Variants in MGAT4C observed in about 807,000 individuals in gnomAD.
The protein encoded by MGAT4C is alpha-1,3-mannosyl-glycoprotein 4-beta-N-acetylglucosaminyltransferase C.
In MGAT4C, 19 loss-of-function variants were observed where a neutral mutation model predicts 40.1. The ratio of observed to expected loss-of-function variants is 0.47; its 90% confidence interval spans 0.33 to 0.70. MGAT4C has a LOEUF of 0.70. MGAT4C is among the 30% of genes least tolerant of loss of function. MGAT4C has a pLI of 0.02. For synonymous variants in MGAT4C, 181 were observed against 187.1 expected (o/e 0.97, Z 0.27); for missense variants, 491 against 563.2 (o/e 0.87, Z 1.30).
intron 3 of MGAT4C, among the ~76,000 whole-genome samples, chr12:86,368,320 T>C (rs1326158125): frequency 1.3e-5 from 2 of 152,312 alleles, no homozygotes; most frequent in East Asian, 1.9e-4. Context: ...TAAATGTTTG[T>C]TGATTTTATC....
At chr12:86,312,932 G>C (rs1954116298) in intron 4 of MGAT4C, among the ~76,000 whole-genome samples, 1 of 152,048 alleles carries the variant, frequency 6.6e-6, no homozygotes, top group Admixed American at 6.6e-5. Context: ...AATATTCAAG[G>C]TCTTTAATAT....
intron 2 of MGAT4C, among the ~76,000 whole-genome samples, chr12:86,540,315 C>A (rs1436720982): frequency 6.6e-6 from 1 of 152,168 alleles, no homozygotes. Flanking sequence ...ACTGAGGATT[C>A]CCAAAAACAA....
chr12:86,163,159 T>C (rs189155909), intron 1 of MGAT4C, among the ~76,000 whole-genome samples: 1 of 152,216 alleles, frequency 6.6e-6, no homozygotes, highest in Non-Finnish European at 1.5e-5. Flanking sequence ...CACACTTTTC[T>C]CATGATATTG....
At chr12:86,594,282 T>A (rs1361637228) in intron 2 of MGAT4C, among the ~76,000 whole-genome samples, 2 of 152,188 alleles carry the variant, frequency 1.3e-5, no homozygotes, top group Admixed American at 1.3e-4. Context: ...AGTGTCTGTA[T>A]CAGTCTGGAG....
intron 2 of MGAT4C, among the ~76,000 whole-genome samples, chr12:86,711,244 G>C (rs988749028): frequency 1.3e-5 from 2 of 152,062 alleles, no homozygotes; most frequent in Non-Finnish European, 2.9e-5. Flanking sequence ...TGTAGGAAGA[G>C]AAACAGTATG....
chr12:86,049,862 A>C (rs1892733613), intron 1 of MGAT4C, 139 bp from the exon 2 acceptor site: 1 of 176,416 alleles, frequency 5.7e-6, no homozygotes, highest in Non-Finnish European at 1.1e-5. Context: ...AATCTTTCTA[A>C]ATTGACAGAA....
chr12:86,663,559 A>C (rs555525516), intron 2 of MGAT4C, among the ~76,000 whole-genome samples: 6 of 152,150 alleles, frequency 3.9e-5, no homozygotes, highest in African/African-American at 1.4e-4. Flanking sequence ...TTTTACTTGA[A>C]AAAGGTGTCC....
At chr12:86,479,298 C>T (rs1276365255) in intron 2 of MGAT4C, among the ~76,000 whole-genome samples, 6 of 151,848 alleles carry the variant, frequency 4.0e-5, no homozygotes, top group Non-Finnish European at 7.4e-5. Flanking sequence ...AGAAATTAAT[C>T]AATACTATAA....
chr12:86,562,939 T>G (rs1959937660), intron 2 of MGAT4C, among the ~76,000 whole-genome samples: 1 of 152,106 alleles, frequency 6.6e-6, no homozygotes, highest in African/African-American at 2.4e-5. Flanking sequence ...GGCTGAAACA[T>G]GGATAAAAAG....
chr12:86,460,545 C>A (rs1365823873), intron 2 of MGAT4C, among the ~76,000 whole-genome samples: 1 of 152,016 alleles, frequency 6.6e-6, no homozygotes, highest in Non-Finnish European at 1.5e-5. Context: ...ATTTGTATGG[C>A]CTTTTTCTGA....
At chr12:86,760,992 A>G (rs1451703244) in intron 1 of MGAT4C, among the ~76,000 whole-genome samples, 1 of 152,186 alleles carries the variant, frequency 6.6e-6, no homozygotes, top group African/African-American at 2.4e-5. Flanking sequence ...GGTGATGGGT[A>G]TGTTCACTAT....
intron 2 of MGAT4C, among the ~76,000 whole-genome samples, chr12:86,574,360 A>C (rs1593001585): frequency 1.3e-5 from 2 of 151,764 alleles, no homozygotes; most frequent in Admixed American, 1.3e-4. Context: ...CAGTGTCAGC[A>C]CCTGACATAG....
chr12:86,729,429 C>T (rs2136118390), intron 1 of MGAT4C, among the ~76,000 whole-genome samples: 1 of 152,032 alleles, frequency 6.6e-6, no homozygotes. Context: ...ACACTTCCTT[C>T]ACTGAAGGCA....
intron 4 of MGAT4C, among the ~76,000 whole-genome samples, chr12:86,274,704 A>T (rs1953026471): frequency 6.6e-6 from 1 of 152,222 alleles, no homozygotes; most frequent in African/African-American, 2.4e-5. Flanking sequence ...ATATTTAGCC[A>T]TCCTCTGTCC....
intron 3 of MGAT4C, among the ~76,000 whole-genome samples, chr12:86,339,282 G>A (rs1008528594): frequency 1.3e-5 from 2 of 152,090 alleles, no homozygotes; most frequent in Admixed American, 6.5e-5. Context: ...GTAGTTTTAA[G>A]AGCAGGCAAT....
intron 1 of MGAT4C, among the ~76,000 whole-genome samples, chr12:86,780,331 C>T (rs1022387664): frequency 6.6e-6 from 1 of 151,918 alleles, no homozygotes; most frequent in Non-Finnish European, 1.5e-5. Flanking sequence ...TTATATATTG[C>T]ATAGCAGTGA....
rs1241289656 is a variant in MGAT4C, at chr12:86,012,982, T to A, written c.-6-23430A>T. Reference sequence around the variant, plus strand: ...CCACGAAAATTAAAAAAAAAAAAAATTAGCCACGGTGGCACATGCCTGTGG... The same window carrying A: ...CCACGAAAATTAAAAAAAAAAAAAAATAGCCACGGTGGCACATGCCTGTGG... On this transcript the variant is annotated intron_variant, in intron 2 of 4. Transcript: ENST00000611864. 2.7e-5 allele frequency among the ~76,000 whole-genome samples: 4 copies of A among 149,818 alleles called. No homozygotes were observed. The East Asian group carries it at 7.8e-4, about 29-fold the overall frequency.
At chr12:86,414,588 CGTTA>C (rs1337900517) in intron 3 of MGAT4C, among the ~76,000 whole-genome samples, 2 of 62,154 alleles carry the variant, frequency 3.2e-5, no homozygotes, top group East Asian at 7.6e-4. Context: ...TTAAAACAAT[CGTTA>C]GTTACTTTTT....
At chr12:86,757,265 A>AG (rs1358995469) in intron 1 of MGAT4C, among the ~76,000 whole-genome samples, 2 of 152,162 alleles carry the variant, frequency 1.3e-5, no homozygotes, top group Non-Finnish European at 2.9e-5. Context: ...GACCTAATGT[A>AG]GGTGACAGGT....
Sources: gnomAD v4.1 joint callset for allele counts (sites outside exome capture counted in the v4.1 genomes callset) on GRCh38, gnomAD v4.1.1 for gene constraint, MANE v1.5 for transcripts, NCBI Gene and HGNC (gene_info 2026-07-23, HGNC 2026-07-21) for gene names.